The following GLT1D1 variants were observed in gnomAD, a reference collection of about 807,000 sequenced individuals.
The protein encoded by GLT1D1 is glycosyltransferase 1 domain containing 1.
Under a neutral mutation model 28.7 loss-of-function variants are expected in GLT1D1, and 21 were observed. That is an observed-to-expected ratio of 0.73 (90% CI 0.52 to 1.05). The LOEUF (loss-of-function observed/expected upper bound fraction) is 1.05. Among genes scored for constraint, GLT1D1 ranks in the 50% least tolerant of loss-of-function variants. The pLI, the probability that GLT1D1 is intolerant of heterozygous loss-of-function variation, is 0.00. For synonymous variants in GLT1D1, 147 were observed against 124.8 expected (o/e 1.18, Z -1.19); for missense variants, 343 against 330.6 (o/e 1.04, Z -0.29).
At chr12:128,965,448 G>C (rs529035394) in intron 7 of GLT1D1, among the ~76,000 whole-genome samples, 12 of 152,148 alleles carry the variant, frequency 7.9e-5, no homozygotes, top group Non-Finnish European at 1.6e-4. Context: ...TCAGGCTCGT[G>C]GGATGCTGAG....
rs772568076 is a variant in GLT1D1, at chr12:128,890,651, G to C, written c.323+1907G>C. Among the ~76,000 whole-genome samples, 11 of 151,688 alleles carry C rather than the reference G, an allele frequency of 7.3e-5. No individual in the cohort carries two copies. The South Asian group carries it at 8.4e-4, about 12-fold the overall frequency. On this transcript the variant is annotated intron_variant, in intron 3 of 7. Transcript: ENST00000281703. ...AATACAAAAATTAGCTGGGTGTGGT[G>C]GTGGGTACCTGTAATTCCGGCTACT...
At chr12:128,897,336 T>C (rs1869761117) in intron 3 of GLT1D1, among the ~76,000 whole-genome samples, 1 of 152,202 alleles carries the variant, frequency 6.6e-6, no homozygotes, top group Non-Finnish European at 1.5e-5. Context: ...TCCAAATTGT[T>C]ATTTTTGTTT....
chr12:128,952,252 C>T (rs937131404), intron 6 of GLT1D1, among the ~76,000 whole-genome samples: 2 of 151,824 alleles, frequency 1.3e-5, no homozygotes, highest in African/African-American at 4.8e-5. Context: ...AGCAGCACGA[C>T]GTGACAGTGG....
intron 4 of GLT1D1, chr12:128,944,302 G>T: frequency 1.5e-6 from 1 of 666,408 alleles, no homozygotes. Flanking sequence ...GCTTGTTTGA[G>T]GAACGTCAGT....
In GLT1D1 at chr12:128,967,925, G is replaced by A. The variant is rs116914027; in HGVS notation, c.639+10282G>A. Among the ~76,000 whole-genome samples, 1,180 of 152,338 alleles carry A rather than the reference G, an allele frequency of 7.7e-3. 4 individuals are homozygous for A. Among genetic ancestry groups the A allele is most frequent in the Non-Finnish European group, 0.013 (907 of 68,034 alleles). On this transcript the variant is annotated intron_variant, in intron 7 of 7. Transcript: ENST00000281703. The stretch of plus-strand genomic sequence containing the variant: ...CTGCGTTGATTGGATTTCCAGTTAA[G>A]CCCAGAGGAAACTCGGGACAAAGCA...
At chr12:128,931,916 C>CACACACAT (rs200768801) in intron 4 of GLT1D1, among the ~76,000 whole-genome samples, 2 of 149,000 alleles carry the variant, frequency 1.3e-5, no homozygotes, top group East Asian at 1.9e-4. Context: ...CACACACGCA[C>CACACACAT]GCACACACAC....
At chr12:128,907,255 C>T (rs1414523308) in intron 4 of GLT1D1, among the ~76,000 whole-genome samples, 4 of 152,060 alleles carry the variant, frequency 2.6e-5, no homozygotes, top group Non-Finnish European at 5.9e-5. Context: ...AACCCTCTCA[C>T]CTCTGCAGGA....
intron 4 of GLT1D1, among the ~76,000 whole-genome samples, chr12:128,905,081 T>TATAC (rs2135866906): frequency 6.6e-6 from 1 of 151,756 alleles, no homozygotes; most frequent in Non-Finnish European, 1.5e-5. Context: ...TTTCCCACCC[T>TATAC]AAACACTCAG....
At chr12:128,959,429 GA>G (rs1877687834) in intron 7 of GLT1D1, among the ~76,000 whole-genome samples, 6 of 105,950 alleles carry the variant, frequency 5.7e-5, no homozygotes, top group Admixed American at 1.9e-4. Flanking sequence ...GACGGGTGGG[GA>G]GGTGGCAGCG....
intron 6 of GLT1D1, among the ~76,000 whole-genome samples, chr12:128,953,002 G>C (rs1876885247): frequency 2.6e-5 from 4 of 151,920 alleles, no homozygotes; most frequent in Non-Finnish European, 1.5e-5. Context: ...AGCTGGTCTT[G>C]AACTCCTGGC....
intron 4 of GLT1D1, among the ~76,000 whole-genome samples, chr12:128,907,116 C>G (rs907081588): frequency 3.9e-5 from 6 of 152,070 alleles, no homozygotes; most frequent in Non-Finnish European, 7.4e-5. Context: ...CTGATTACCT[C>G]GGAAAGTCAT....
At chr12:128,855,240 A>G (rs1956186652) in intron 1 of GLT1D1, among the ~76,000 whole-genome samples, 1 of 148,266 alleles carries the variant, frequency 6.7e-6, no homozygotes, top group South Asian at 2.2e-4. Flanking sequence ...AAAAAAAAAA[A>G]AAACAACAAC....
At chr12:128,885,677 A>G (rs1185181526) in intron 2 of GLT1D1, among the ~76,000 whole-genome samples, 1 of 152,224 alleles carries the variant, frequency 6.6e-6, no homozygotes, top group East Asian at 1.9e-4. Flanking sequence ...GATAGGTCAA[A>G]TTAGCTTTGA....
At chr12:128,914,739 C>A (rs1290230661) in intron 4 of GLT1D1, among the ~76,000 whole-genome samples, 194 bp from the exon 6 acceptor site, 1 of 152,090 alleles carries the variant, frequency 6.6e-6, no homozygotes, top group Non-Finnish European at 1.5e-5. Flanking sequence ...AGAATCGCTT[C>A]AAACCGGGAA....
chr12:128,982,836 G>A lies in GLT1D1; in HGVS notation c.640-93G>A. On this transcript the variant is annotated intron_variant, in intron 7 of 7. Transcript: ENST00000281703. The stretch of plus-strand genomic sequence containing the variant: ...GGCCCAGGAGGCAGACAAGGGCAAG[G>A]CCAGCAGCCAATGCAGACACAGGAT... 9 of 1,196,744 alleles carry A rather than the reference G, an allele frequency of 7.5e-6. No individual in the cohort carries two copies. In the South Asian group the frequency reaches 1.2e-4, roughly 16 times the overall value. The allele number at this position is 1,196,744 out of a possible 1,614,324, so 74.1% of individuals were successfully genotyped here.
chr12:128,878,656 G>A (rs1328941891), intron 2 of GLT1D1, among the ~76,000 whole-genome samples: 1 of 151,588 alleles, frequency 6.6e-6, no homozygotes, highest in Non-Finnish European at 1.5e-5. Context: ...TACCCAGGCT[G>A]GAGTGCAGTG....
chr12:128,948,119 G>A (rs947499162), intron 6 of GLT1D1, among the ~76,000 whole-genome samples: 37 of 152,142 alleles, frequency 2.4e-4, no homozygotes, highest in Admixed American at 6.5e-4. Flanking sequence ...GCAGGCCCTG[G>A]CTGGGCTGTG....
At chr12:128,968,626 G>A (rs571695155) in intron 7 of GLT1D1, among the ~76,000 whole-genome samples, 2 of 152,166 alleles carry the variant, frequency 1.3e-5, no homozygotes, top group South Asian at 4.1e-4. Flanking sequence ...TCATGTCACT[G>A]CACTCCAGCC....
At chr12:128,945,132 C>T (rs903719468) in intron 4 of GLT1D1, 194 bp from the exon 9 acceptor site, 27 of 732,188 alleles carry the variant, frequency 3.7e-5, no homozygotes, top group South Asian at 4.4e-5. Flanking sequence ...GAGTGATACG[C>T]GACGACACAG....
Sources: gnomAD v4.1 joint callset for allele counts (sites outside exome capture counted in the v4.1 genomes callset) on GRCh38, gnomAD v4.1.1 for gene constraint, MANE v1.5 for transcripts, NCBI Gene and HGNC (gene_info 2026-07-23, HGNC 2026-07-21) for gene names.